The following PHACTR1 variants were observed in gnomAD, a reference collection of about 807,000 sequenced individuals.
The protein encoded by PHACTR1 is phosphatase and actin regulator 1.
PHACTR1 carries 16 observed loss-of-function variants against 69.2 expected under a neutral mutation model. That is an observed-to-expected ratio of 0.23 (90% confidence interval 0.16 to 0.35). PHACTR1 has a LOEUF of 0.35. Among genes scored for constraint, PHACTR1 ranks in the 10% least tolerant of loss-of-function variants. The pLI, the probability that PHACTR1 is intolerant of heterozygous loss-of-function variation, is 1.00. For missense variants in PHACTR1, 510 were observed against 734.7 expected (o/e 0.69, Z 3.54); for synonymous variants, 312 against 284.5 (o/e 1.10, Z -0.97).
At chr6:13,137,031 T>C (rs1459149748) in intron 5 of PHACTR1, among the ~76,000 whole-genome samples, 2 of 152,232 alleles carry the variant, frequency 1.3e-5, no homozygotes, top group African/African-American at 2.4e-5. Flanking sequence ...GTTGAACAAA[T>C]GGTGCCGATA....
chr6:13,211,341 G>A (rs1766813670), intron 8 of PHACTR1, among the ~76,000 whole-genome samples: 1 of 151,620 alleles, frequency 6.6e-6, no homozygotes, highest in African/African-American at 2.4e-5. Flanking sequence ...TTTCAAAGAT[G>A]ATGCAGTGTT....
intron 4 of PHACTR1, among the ~76,000 whole-genome samples, chr6:12,988,989 A>G (rs1435101207): frequency 6.6e-6 from 1 of 152,250 alleles, no homozygotes; most frequent in African/African-American, 2.4e-5. Flanking sequence ...ATCTCCTAGA[A>G]CAATGTGTGT....
intron 5 of PHACTR1, among the ~76,000 whole-genome samples, chr6:13,108,211 T>C (rs1482172484): frequency 3.9e-5 from 6 of 152,136 alleles, no homozygotes; most frequent in Non-Finnish European, 8.8e-5. Flanking sequence ...TTTTGATTTC[T>C]AAGTTAATTT....
chr6:13,252,346 AAAAG>A (rs1245942413), intron 10 of PHACTR1, among the ~76,000 whole-genome samples: 7 of 151,392 alleles, frequency 4.6e-5, no homozygotes, highest in Non-Finnish European at 8.8e-5. Context: ...AAAAAAAAGA[AAAAG>A]GAAAGAAAGA....
At chr6:13,205,305 A>G (rs946012995) in intron 7 of PHACTR1, among the ~76,000 whole-genome samples, 4 of 152,120 alleles carry the variant, frequency 2.6e-5, no homozygotes, top group African/African-American at 7.2e-5. Flanking sequence ...TAATCTATTC[A>G]TGAGGGATCC....
intron 4 of PHACTR1, among the ~76,000 whole-genome samples, chr6:13,002,449 G>T (rs1184109384): frequency 2.6e-5 from 4 of 152,048 alleles, no homozygotes; most frequent in Admixed American, 2.0e-4. Flanking sequence ...AAAAATTTTA[G>T]GAGAAAGCAT....
At chr6:12,894,903 C>T (rs1784503509) in intron 4 of PHACTR1, among the ~76,000 whole-genome samples, 1 of 152,104 alleles carries the variant, frequency 6.6e-6, no homozygotes, top group Non-Finnish European at 1.5e-5. Context: ...TATTTTTATG[C>T]TTATATGTAA....
chr6:12,847,911 G>C (rs552042378), intron 4 of PHACTR1, among the ~76,000 whole-genome samples: 2 of 152,090 alleles, frequency 1.3e-5, no homozygotes, highest in Non-Finnish European at 2.9e-5. Context: ...ACTGATACCA[G>C]TTAACTGAGG....
intron 10 of PHACTR1, among the ~76,000 whole-genome samples, chr6:13,271,762 C>G (rs2127447008): frequency 6.6e-6 from 1 of 151,874 alleles, no homozygotes. Context: ...CTCATGGACA[C>G]AGAGGACCAA....
chr6:12,751,668 TA>T (rs1299502627), intron 4 of PHACTR1, among the ~76,000 whole-genome samples: 1 of 152,238 alleles, frequency 6.6e-6, no homozygotes, highest in Non-Finnish European at 1.5e-5. Context: ...TTATTTTGGT[TA>T]AATTGCTCTG....
At chr6:13,215,472 C>T (rs1167936623) in intron 8 of PHACTR1, among the ~76,000 whole-genome samples, 1 of 152,200 alleles carries the variant, frequency 6.6e-6, no homozygotes, top group Non-Finnish European at 1.5e-5. Context: ...GGGTGATATA[C>T]TGTCTCCAGA....
chr6:12,783,959 T>G (rs991770646), intron 4 of PHACTR1, among the ~76,000 whole-genome samples: 1 of 152,160 alleles, frequency 6.6e-6, no homozygotes, highest in Non-Finnish European at 1.5e-5. Context: ...CACATATACA[T>G]GATGATATAT....
intron 10 of PHACTR1, among the ~76,000 whole-genome samples, chr6:13,233,198 C>T (rs1250172236): frequency 1.3e-5 from 2 of 152,210 alleles, no homozygotes; most frequent in African/African-American, 4.8e-5. Context: ...CACAAGCCAC[C>T]ACCATGATTA....
Position 13,080,522 on chromosome 6 carries a change from T to C in PHACTR1, c.415+26993T>C, listed in dbSNP as rs532915561. 2.6e-5 allele frequency among the ~76,000 whole-genome samples: 4 copies of C among 152,320 alleles called. No individual in the cohort carries two copies. The South Asian group carries it at 8.3e-4, about 32-fold the overall frequency. On this transcript the variant is annotated intron_variant, in intron 5 of 14. Coordinates refer to ENST00000332995, the MANE Select transcript of PHACTR1 (RefSeq NM_030948.6). The stretch of plus-strand genomic sequence containing the variant: ...CAAAGTCTTCTAAAATGAAATAACC[T>C]TCTGAAGGTATAGATGGTCTTCCAA...
chr6:13,114,667 GGTAC>G (rs1337803571), intron 5 of PHACTR1, among the ~76,000 whole-genome samples: 2 of 152,120 alleles, frequency 1.3e-5, no homozygotes, highest in African/African-American at 4.8e-5. Context: ...AATATCTGGA[GGTAC>G]TACTTGTTGT....
chr6:12,966,466 A>G (rs1472811553), intron 4 of PHACTR1, among the ~76,000 whole-genome samples: 2 of 152,248 alleles, frequency 1.3e-5, no homozygotes, highest in Admixed American at 6.5e-5. Flanking sequence ...GGTTGTGATC[A>G]CAGTGAGACA....
intron 4 of PHACTR1, among the ~76,000 whole-genome samples, chr6:12,999,089 T>C (rs143813701): frequency 7.6e-4 from 116 of 152,324 alleles, no homozygotes; most frequent in African/African-American, 2.7e-3. Context: ...ACACAGCAGT[T>C]CTACTTATAT....
At chr6:13,082,844 G>C (rs1326888727) in intron 5 of PHACTR1, among the ~76,000 whole-genome samples, 3 of 151,994 alleles carry the variant, frequency 2.0e-5, no homozygotes, top group Non-Finnish European at 2.9e-5. Context: ...CTGGATATTA[G>C]CCCTTTGTCA....
chr6:12,907,037 C>T (rs1010587232), intron 4 of PHACTR1, among the ~76,000 whole-genome samples: 1 of 152,146 alleles, frequency 6.6e-6, no homozygotes, highest in Non-Finnish European at 1.5e-5. Context: ...TCTATTTCCT[C>T]CTTCAAATTT....
Sources: gnomAD v4.1 joint callset for allele counts (sites outside exome capture counted in the v4.1 genomes callset) on GRCh38, gnomAD v4.1.1 for gene constraint, MANE v1.5 for transcripts, NCBI Gene and HGNC (gene_info 2026-07-23, HGNC 2026-07-21) for gene names.